The following KLHL3 variants were observed in gnomAD, a reference collection of about 807,000 sequenced individuals.
The protein encoded by KLHL3 is kelch-like protein 3.
KLHL3 carries 19 observed loss-of-function variants against 70.5 expected under a neutral mutation model. That is an observed-to-expected ratio of 0.27 (90% confidence interval 0.19 to 0.40). KLHL3 has a LOEUF of 0.40. KLHL3 is among the 10% of genes least tolerant of loss of function. The pLI, the probability that KLHL3 is intolerant of heterozygous loss-of-function variation, is 1.00. For missense variants in KLHL3, 512 were observed against 771.1 expected (o/e 0.66, Z 3.98); for synonymous variants, 258 against 290.3 (o/e 0.89, Z 1.13).
intron 1 of KLHL3, among the ~76,000 whole-genome samples, chr5:137,727,555 A>G (rs998772628): frequency 1.3e-5 from 2 of 152,156 alleles, no homozygotes; most frequent in Admixed American, 6.5e-5. Context: ...AATACTTGCA[A>G]TAGCCAAAAT....
intron 7 of KLHL3, among the ~76,000 whole-genome samples, chr5:137,659,588 A>G (rs1321365636): frequency 6.6e-6 from 1 of 152,176 alleles, no homozygotes; most frequent in African/African-American, 2.4e-5. Flanking sequence ...ACAAAATAAA[A>G]AGGGTGGGAG....
chr5:137,710,761 C>T (rs1287864977), intron 2 of KLHL3, among the ~76,000 whole-genome samples: 1 of 152,096 alleles, frequency 6.6e-6, no homozygotes, highest in East Asian at 1.9e-4. Flanking sequence ...GTTATATGTG[C>T]CAGGCACTGT....
intron 4 of KLHL3, among the ~76,000 whole-genome samples, chr5:137,697,763 C>G (rs1013871397): frequency 1.3e-5 from 2 of 152,144 alleles, no homozygotes; most frequent in Non-Finnish European, 2.9e-5. Flanking sequence ...AGTTTGTAAA[C>G]ACTTTGTATT....
intron 8 of KLHL3, among the ~76,000 whole-genome samples, chr5:137,656,305 A>G (rs527959023): frequency 1.3e-5 from 2 of 152,330 alleles, no homozygotes; most frequent in African/African-American, 4.8e-5. Flanking sequence ...ACCATGTACC[A>G]TTACAATTTA....
At chr5:137,697,481 G>GT (rs1157497440) in intron 4 of KLHL3, among the ~76,000 whole-genome samples, 8 of 152,244 alleles carry the variant, frequency 5.3e-5, no homozygotes, top group Admixed American at 2.0e-4. Flanking sequence ...AATCTTTCTT[G>GT]TTTTTTCTCC....
chr5:137,709,625 A>G (rs575244907), intron 3 of KLHL3, 125 bp downstream of exon 3: 2 of 734,682 alleles, frequency 2.7e-6, no homozygotes, highest in South Asian at 3.3e-5. Flanking sequence ...TCTGGCGTAG[A>G]GAAGCCCCTC....
At chr5:137,709,919 A>G (rs1050052358) in intron 2 of KLHL3, 63 bp from the exon 3 acceptor site, 1 of 1,337,144 alleles carries the variant, frequency 7.5e-7, no homozygotes, top group South Asian at 1.2e-5. Flanking sequence ...TCATCTTACA[A>G]GGGTATTTTT....
At chr5:137,670,173 T>C (rs1239094072) in intron 6 of KLHL3, among the ~76,000 whole-genome samples, 6 of 150,582 alleles carry the variant, frequency 4.0e-5, no homozygotes, top group Non-Finnish European at 8.9e-5. Context: ...AAATTGAGAG[T>C]TTGAACTGAC....
chr5:137,716,986 G>C (rs1473423956), intron 2 of KLHL3, among the ~76,000 whole-genome samples: 1 of 152,220 alleles, frequency 6.6e-6, no homozygotes, highest in Non-Finnish European at 1.5e-5. Flanking sequence ...GGTCTGTTCA[G>C]TCCCTGCGGG....
chr5:137,713,361 A>T (rs981638468), intron 2 of KLHL3, among the ~76,000 whole-genome samples: 5 of 152,124 alleles, frequency 3.3e-5, no homozygotes, highest in African/African-American at 1.2e-4. Flanking sequence ...AATAAAATTG[A>T]GAGTCCAGAA....
At chr5:137,648,567 C>T (rs1056360587) in intron 8 of KLHL3, among the ~76,000 whole-genome samples, 4 of 152,182 alleles carry the variant, frequency 2.6e-5, no homozygotes, top group Non-Finnish European at 5.9e-5. Context: ...CATGGCAACC[C>T]AGCCTCAGGA....
In KLHL3 at chr5:137,618,527, A is replaced by G. The variant is rs1346623941; in HGVS notation, c.*3571T>C. On this transcript the variant is annotated 3_prime_UTR_variant, in exon 15 of 15. Transcript: ENST00000309755. Reference sequence around the variant, plus strand: ...TAAAGGTTAGAGACAAGATGCTCCCAAAAAGGGCATCATCCAGCAGCAAAG... The same window carrying G: ...TAAAGGTTAGAGACAAGATGCTCCCGAAAAGGGCATCATCCAGCAGCAAAG... 6.6e-6 allele frequency: 1 copy of G among 152,164 alleles called. No homozygotes were observed. The highest frequency in any genetic ancestry group is 2.4e-5 in the African/African-American group (1 of 41,416). The allele number at this position is 152,164 out of a possible 1,614,324, so 9.4% of individuals were successfully genotyped here.
At position 137,658,062 on chromosome 5, in the gene KLHL3, G is replaced by C. The variant is rs958959410; in HGVS notation, c.903+69C>G. The C allele has an allele frequency of 6.8e-6, 10 of 1,464,714 alleles. No individual in the cohort carries two copies. In the Admixed American group the frequency reaches 1.5e-4, roughly 22 times the overall value. The allele number at this position is 1,464,714 out of a possible 1,614,324, so 90.7% of individuals were successfully genotyped here. A position where few individuals can be genotyped will look rare whatever the true frequency, so the allele number is the denominator to read the frequency against. ...AGCCATGGGTGAGGAAAGACTTGGA[G>C]GCAGGAGTGGAAGGCCACTTTCCCA... On this transcript the variant is annotated intron_variant, in intron 8 of 14. Transcript: ENST00000309755.
chr5:137,637,268 G>T, intron 11 of KLHL3, 26 bp downstream of exon 11: 1 of 1,593,800 alleles, frequency 6.3e-7, no homozygotes, highest in Non-Finnish European at 8.6e-7. Context: ...GGTAGGCCTG[G>T]CCACTGGCCA....
intron 5 of KLHL3, among the ~76,000 whole-genome samples, chr5:137,689,229 G>C (rs556022431): frequency 2.6e-5 from 4 of 152,234 alleles, no homozygotes; most frequent in Admixed American, 1.3e-4. Context: ...ATATACTGCT[G>C]GTGGGAATGT....
At chr5:137,633,278 C>CAA (rs56084512) in intron 12 of KLHL3, among the ~76,000 whole-genome samples, 60 of 71,968 alleles carry the variant, frequency 8.3e-4, no homozygotes, top group African/African-American at 1.9e-3. Flanking sequence ...GACTTCATCT[C>CAA]AAAAAAAAAA....
intron 14 of KLHL3, among the ~76,000 whole-genome samples, chr5:137,623,792 T>G (rs1750382784): frequency 6.6e-6 from 1 of 152,230 alleles, no homozygotes; most frequent in African/African-American, 2.4e-5. Context: ...CTTAGTCTAA[T>G]TTTATTCCCA....
chr5:137,638,826 T>C, intron 10 of KLHL3, 127 bp downstream of exon 10: 1 of 849,088 alleles, frequency 1.2e-6, no homozygotes, highest in Non-Finnish European at 1.9e-6. Flanking sequence ...GGAAGAAGAG[T>C]GGATATGTCC....
chr5:137,641,861 C>T (rs1332528708), intron 8 of KLHL3, among the ~76,000 whole-genome samples: 7 of 152,156 alleles, frequency 4.6e-5, no homozygotes, highest in African/African-American at 1.4e-4. Context: ...AACCCAGCCT[C>T]GAGCTGCTGC....
Sources: gnomAD v4.1 joint callset for allele counts (sites outside exome capture counted in the v4.1 genomes callset) on GRCh38, gnomAD v4.1.1 for gene constraint, MANE v1.5 for transcripts, NCBI Gene and HGNC (gene_info 2026-07-23, HGNC 2026-07-21) for gene names.